The following PCMTD1 variants were observed in gnomAD, a reference collection of about 807,000 sequenced individuals.
PCMTD1 encodes the protein protein-L-isoaspartate (D-aspartate) O-methyltransferase domain containing 1.
In PCMTD1, 12 loss-of-function variants were observed where a neutral mutation model predicts 37.6. The observed-to-expected ratio is 0.32, with a 90% CI of 0.20 to 0.52. The LOEUF is 0.52. Ranked by LOEUF, PCMTD1 falls within the 20% of genes least tolerant of loss-of-function variation. The pLI is 0.97. For missense variants in PCMTD1, 235 were observed against 421.3 expected (o/e 0.56, Z 3.87); for synonymous variants, 117 against 135.8 (o/e 0.86, Z 0.96).
chr8:51,898,015 G>C (rs2039033013), intron 1 of PCMTD1, among the ~76,000 whole-genome samples: 1 of 152,010 alleles, frequency 6.6e-6, no homozygotes, highest in Admixed American at 6.6e-5. Context: ...GGAGAAATAT[G>C]GGGGGAAGGG....
chr8:51,861,717 T>TC lies in PCMTD1; in HGVS notation c.-95-472_-95-471insG, dbSNP rs1457931721. Reference sequence around the variant, plus strand: ...GGTCTTTAGAGTCAGAAACCATGTTTTTTTTTTAATTTTTTTTTTTTTAAG... The same window carrying TC: ...GGTCTTTAGAGTCAGAAACCATGTTTCTTTTTTTAATTTTTTTTTTTTTAAG... On this transcript the variant is annotated intron_variant, in intron 1 of 5. Transcript: ENST00000522514. Among the ~76,000 whole-genome samples the TC allele has an allele frequency of 1.7e-4, 25 of 150,610 alleles. No individual in the cohort carries two copies. The East Asian group carries it at 2.3e-3, about 14-fold the overall frequency.
At chr8:51,877,283 C>A (rs991392124) in intron 1 of PCMTD1, among the ~76,000 whole-genome samples, 1 of 152,100 alleles carries the variant, frequency 6.6e-6, no homozygotes, top group Admixed American at 6.6e-5. Context: ...GCAACAGGAC[C>A]TTACATTTTA....
rs1242304860 is a variant in PCMTD1, at chr8:51,867,475, TG to T, written c.-95-6230del. 2.2e-3 allele frequency among the ~76,000 whole-genome samples: 253 copies of T among 116,980 alleles called. 2 individuals carry two copies. Among genetic ancestry groups the T allele is most frequent in the African/African-American group, 9.7e-3 (246 of 25,306 alleles). The allele number at this position is 116,980 out of a possible 152,430, so 76.7% of individuals were successfully genotyped here. A position where few individuals can be genotyped will look rare whatever the true frequency, so the allele number is the denominator to read the frequency against. On this transcript the variant is annotated intron_variant, in intron 1 of 5. Transcript: ENST00000522514. ...TCATCAGAGGAATGGGTAAAGAAAA[TG>T]GTGTGTGTGTGTGTGTGTGTGTGTG...
At chr8:51,893,976 T>C (rs2038968454) in intron 1 of PCMTD1, among the ~76,000 whole-genome samples, 1 of 152,258 alleles carries the variant, frequency 6.6e-6, no homozygotes, top group Admixed American at 6.5e-5. Context: ...GCATCTTATA[T>C]AATCCAATTA....
chr8:51,839,546 A>G (rs1585799728), intron 3 of PCMTD1: 1 of 985,444 alleles, frequency 1.0e-6, no homozygotes, highest in Non-Finnish European at 1.2e-6. Flanking sequence ...ACTTGCCCAT[A>G]TAATTCTTTT....
chr8:51,884,994 T>C (rs1218278330), intron 1 of PCMTD1, among the ~76,000 whole-genome samples: 1 of 152,178 alleles, frequency 6.6e-6, no homozygotes, highest in African/African-American at 2.4e-5. Context: ...TCTGTTACAG[T>C]AAATAATCCT....
At chr8:51,894,052 G>A (rs1357113165) in intron 1 of PCMTD1, among the ~76,000 whole-genome samples, 1 of 152,168 alleles carries the variant, frequency 6.6e-6, no homozygotes, top group Non-Finnish European at 1.5e-5. Flanking sequence ...ACAGCTGTAT[G>A]AATGTGCAGG....
chr8:51,821,937 A>G (rs1014359831), intron 5 of PCMTD1, among the ~76,000 whole-genome samples: 7 of 152,216 alleles, frequency 4.6e-5, no homozygotes, highest in South Asian at 4.1e-4. Flanking sequence ...GGGTTTCACC[A>G]TGTTAGTCAG....
chr8:51,835,014 C>T lies in PCMTD1; in HGVS notation c.411-1325G>A, dbSNP rs551833387. On this transcript the variant is annotated intron_variant, in intron 3 of 5. Transcript: ENST00000522514. Reference sequence around the variant, plus strand: ...TCTTCCATCCCTCTGCTCTCTAATGCGCAGGATAAGTTCAAGCTCCTAGGA... The same window carrying T: ...TCTTCCATCCCTCTGCTCTCTAATGTGCAGGATAAGTTCAAGCTCCTAGGA... Among the ~76,000 whole-genome samples, 14 of 152,256 alleles carry T rather than the reference C, an allele frequency of 9.2e-5. No individual in the cohort carries two copies. The South Asian group carries it at 2.5e-3, about 27-fold the overall frequency.
intron 1 of PCMTD1, among the ~76,000 whole-genome samples, chr8:51,871,148 C>T (rs534453943): frequency 1.3e-5 from 2 of 152,254 alleles, no homozygotes; most frequent in Non-Finnish European, 2.9e-5. Context: ...AAAAACACTG[C>T]TTCTCAAATC....
Position 51,830,310 on chromosome 8 carries a change from T to C in PCMTD1, c.706+1134A>G, listed in dbSNP as rs1435659895. Among the ~76,000 whole-genome samples the C allele has an allele frequency of 2.6e-5, 4 of 152,234 alleles. No homozygotes were observed. In the East Asian group the frequency reaches 7.7e-4, roughly 29 times the overall value. ...ATGTTGAGGGGTCTCCATTTATAAC[T>C]TGCTCATGAAGCAGGTTCGTGCCAC... On this transcript the variant is annotated intron_variant, in intron 5 of 5. Transcript: ENST00000522514.
chr8:51,826,519 A>G (rs1451026845), intron 5 of PCMTD1, among the ~76,000 whole-genome samples: 1 of 152,190 alleles, frequency 6.6e-6, no homozygotes, highest in Non-Finnish European at 1.5e-5. Context: ...TTAAAATATA[A>G]TAAAAAATAA....
intron 3 of PCMTD1, among the ~76,000 whole-genome samples, chr8:51,844,297 T>C (rs2038187513): frequency 6.6e-6 from 1 of 152,158 alleles, no homozygotes; most frequent in Non-Finnish European, 1.5e-5. Flanking sequence ...GTGCATTACG[T>C]GTTGTTTATA....
At chr8:51,859,465 C>T (rs1291995223) in intron 2 of PCMTD1, among the ~76,000 whole-genome samples, 1 of 152,140 alleles carries the variant, frequency 6.6e-6, no homozygotes, top group Non-Finnish European at 1.5e-5. Context: ...AATTTCCTAT[C>T]ACTTTTGAAC....
At chr8:51,879,625 C>T (rs2038764152) in intron 1 of PCMTD1, among the ~76,000 whole-genome samples, 1 of 152,168 alleles carries the variant, frequency 6.6e-6, no homozygotes, top group African/African-American at 2.4e-5. Context: ...ACACCTGCCT[C>T]TGAGCAACCA....
intron 5 of PCMTD1, among the ~76,000 whole-genome samples, chr8:51,829,057 A>C (rs2037962799): frequency 6.6e-6 from 1 of 152,200 alleles, no homozygotes; most frequent in Admixed American, 6.5e-5. Flanking sequence ...GTATATTTGA[A>C]AAAACTGGTT....
chr8:51,875,034 T>A (rs2077897390), intron 1 of PCMTD1, among the ~76,000 whole-genome samples: 1 of 152,202 alleles, frequency 6.6e-6, no homozygotes. Flanking sequence ...AGAGAAAACC[T>A]ACTTCAAATA....
chr8:51,862,886 T>C (rs542535254), intron 1 of PCMTD1, among the ~76,000 whole-genome samples: 69 of 152,330 alleles, frequency 4.5e-4, no homozygotes, highest in South Asian at 1.7e-3. Context: ...AATATATAAG[T>C]ACAAGGGCTT....
chr8:51,862,159 A>G (rs979737328), intron 1 of PCMTD1, among the ~76,000 whole-genome samples: 5 of 152,174 alleles, frequency 3.3e-5, no homozygotes, highest in African/African-American at 1.2e-4. Context: ...GCACTACATA[A>G]ATTTACAATG....
Sources: gnomAD v4.1 joint callset for allele counts (sites outside exome capture counted in the v4.1 genomes callset) on GRCh38, gnomAD v4.1.1 for gene constraint, MANE v1.5 for transcripts, NCBI Gene and HGNC (gene_info 2026-07-23, HGNC 2026-07-21) for gene names.